The following BRIP1 variants were observed in gnomAD, a reference collection of about 807,000 sequenced individuals.
BRIP1 encodes Fanconi anemia group J protein.
A neutral mutation model predicts 119.7 loss-of-function variants in BRIP1; 88 were observed. The observed-to-expected ratio is 0.74, with a 90% CI of 0.62 to 0.88. BRIP1 has a LOEUF of 0.88. BRIP1 is among the 40% of genes least tolerant of loss of function. The pLI, the probability that BRIP1 is intolerant of heterozygous loss-of-function variation, is 0.00. For missense variants in BRIP1, 1,259 were observed against 1,455.4 expected (o/e 0.87, Z 2.20); for synonymous variants, 443 against 496.5 (o/e 0.89, Z 1.43).
rs1016218205 is a variant in BRIP1 at position 61,691,548 on chromosome 17, C to T, written c.2575+1882G>A. On this transcript the variant is annotated intron_variant, in intron 18 of 19. Transcript: ENST00000259008. The surrounding 1 kb of genome is among the most constrained non-coding windows in gnomAD (Gnocchi z 5.0). ...TTGGCTCACTGCAACCTCCGCCTCC[C>T]AGGTTCAAGCCATTCTCCTGCCTCA... Among the ~76,000 whole-genome samples, 1 of 152,116 alleles carries T rather than the reference C, an allele frequency of 6.6e-6. No homozygotes were observed. The highest frequency in any genetic ancestry group is 1.5e-5 in the Non-Finnish European group (1 of 68,024).
rs1183075975 is a variant in BRIP1 at position 61,856,362 on chromosome 17, T to A, written c.379+696A>T. On this transcript the variant is annotated intron_variant, in intron 4 of 19. Transcript: ENST00000259008. This position sits in a 1 kb window ranked among gnomAD's most constrained non-coding sequence, Gnocchi z 5.1. ...GTGACTGGTAAAGGAATAGCATGAG[T>A]AAAAGCAGAAAAAAGCGTTATTGGA... Among the ~76,000 whole-genome samples, 3 of 152,114 alleles carry A rather than the reference T, an allele frequency of 2.0e-5. No individual in the cohort carries two copies. Among genetic ancestry groups the A allele is most frequent in the Non-Finnish European group, 2.9e-5 (2 of 68,016 alleles).
chr17:61,752,803 A>G lies in BRIP1; in HGVS notation c.2098-8212T>C, dbSNP rs994256425. On this transcript the variant is annotated intron_variant, in intron 14 of 19. Transcript: ENST00000259008. This position sits in a 1 kb window ranked among gnomAD's most constrained non-coding sequence, Gnocchi z 6.2. ...GAAAGAAAAGTGAACAGATTATAAA[A>G]ATACTTAAAATTAAAATGAGTAAGA... Among the ~76,000 whole-genome samples, 1 of 152,224 alleles carries G rather than the reference A, an allele frequency of 6.6e-6. No homozygotes were observed. The highest frequency in any genetic ancestry group is 1.5e-5 in the Non-Finnish European group (1 of 68,044).
rs1060501768 is a variant in BRIP1, at chr17:61,801,281, T to C, written c.1112A>G (p.Tyr371Cys). ...TTCCCTTATTTGTGCATCTAGAAGATAGTTGTAGGGACAAAATATGATGTC... is the reference window on the plus strand; with the variant it reads ...TTCCCTTATTTGTGCATCTAGAAGACAGTTGTAGGGACAAAATATGATGTC... The part of the protein sequence containing the change: ...DADIIFCPYN[Y>C]LLDAQIRESM... Residue 371 changes from tyrosine (Y) to cysteine (C), a missense_variant, in exon 8 of 20, where the codon TAT becomes TGT. Tyr to Cys is a radical substitution (Grantham distance 194, BLOSUM62 -2). This residue lies in a region of BRIP1 where 501 missense variants were observed against 544.0 expected (regional missense o/e 0.92). Transcript: ENST00000259008. 2 of 1,613,914 alleles carry C rather than the reference T, an allele frequency of 1.2e-6. No homozygotes were observed. The highest frequency in any genetic ancestry group is 2.2e-5 in the East Asian group (1 of 44,876).
rs1451258975 is a variant in BRIP1, at chr17:61,768,377, C to T, written c.2097+8024G>A. ...TAGTATATGGAATTAGGCTGTATTG[C>T]TCTACGGGAAATCACAGGAATTTTA... On this transcript the variant is annotated intron_variant, in intron 14 of 19. Coordinates refer to ENST00000259008, the MANE Select transcript of BRIP1 (RefSeq NM_032043.3). This position sits in a 1 kb window ranked among gnomAD's most constrained non-coding sequence, Gnocchi z 5.0. 6.6e-6 allele frequency among the ~76,000 whole-genome samples: 1 copy of T among 152,082 alleles called. No individual in the cohort carries two copies. The highest frequency in any genetic ancestry group is 1.5e-5 in the Non-Finnish European group (1 of 68,006).
chr17:61,733,542 T>G (rs1186798229), intron 16 of BRIP1, among the ~76,000 whole-genome samples: 1 of 152,200 alleles, frequency 6.6e-6, no homozygotes, highest in African/African-American at 2.4e-5. Context: ...TTTTTGTGTG[T>G]GTTTGTTATA....
Position 61,861,706 on chromosome 17 carries a change from T to C in BRIP1, c.-30-137A>G. ...AACAAAACAAATGGAAACAAAATAA[T>C]TTCCTAGTCTTATAAATCACAGCGG... On this transcript the variant is annotated intron_variant, in intron 1 of 19. Coordinates refer to ENST00000259008, the MANE Select transcript of BRIP1 (RefSeq NM_032043.3). This position sits in a 1 kb window ranked among gnomAD's most constrained non-coding sequence, Gnocchi z 4.5. The C allele has an allele frequency of 1.5e-6, 1 of 650,502 alleles. No homozygotes were observed. Among genetic ancestry groups the C allele is most frequent in the Non-Finnish European group, 2.7e-6 (1 of 366,592 alleles). 40.3% of individuals were successfully genotyped at this position (650,502 alleles called of 1,614,324 possible).
Position 61,780,166 on chromosome 17 carries a change from A to C in BRIP1, c.1935+95T>G, listed in dbSNP as rs2077591651. Reference sequence around the variant, plus strand: ...AATGTTGAATTTCCTACCAAGATTTACTTGCTGGCACTTCAGGTATCTTCT... The same window carrying C: ...AATGTTGAATTTCCTACCAAGATTTCCTTGCTGGCACTTCAGGTATCTTCT... On this transcript the variant is annotated intron_variant, in intron 13 of 19. Transcript: ENST00000259008. The surrounding 1 kb of genome is among the most constrained non-coding windows in gnomAD (Gnocchi z 5.4). 1 of 1,311,800 alleles carries C rather than the reference A, an allele frequency of 7.6e-7. No individual in the cohort carries two copies. Among genetic ancestry groups the C allele is most frequent in the Non-Finnish European group, 1.1e-6 (1 of 927,160 alleles). The allele number at this position is 1,311,800 out of a possible 1,614,324, so 81.3% of individuals were successfully genotyped here.
Position 61,779,792 on chromosome 17 carries a change from C to A in BRIP1, c.1935+469G>T, listed in dbSNP as rs548137120. ...ACAACATGCTGAAACCCCATCTCTACCAAAAAAATAAAAAATTAGCCAGGC... is the reference window on the plus strand; with the variant it reads ...ACAACATGCTGAAACCCCATCTCTAACAAAAAAATAAAAAATTAGCCAGGC... On this transcript the variant is annotated intron_variant, in intron 13 of 19. Coordinates refer to ENST00000259008, the MANE Select transcript of BRIP1 (RefSeq NM_032043.3). Among the ~76,000 whole-genome samples, 11 of 151,946 alleles carry A rather than the reference C, an allele frequency of 7.2e-5. No individual in the cohort carries two copies. The South Asian group carries it at 2.3e-3, about 32-fold the overall frequency.
chr17:61,762,614 TG>T lies in BRIP1; in HGVS notation c.2097+13786del, dbSNP rs1257340868. On this transcript the variant is annotated intron_variant, in intron 14 of 19. Coordinates refer to ENST00000259008, the MANE Select transcript of BRIP1 (RefSeq NM_032043.3). The surrounding 1 kb of genome is among the most constrained non-coding windows in gnomAD (Gnocchi z 4.3). Reference sequence around the variant, plus strand: ...AGACAACAAATGACCAACAGATACATGAAAAAATGCTCAAAATCACTAATCA... The same window carrying T: ...AGACAACAAATGACCAACAGATACATAAAAAATGCTCAAAATCACTAATCA... Among the ~76,000 whole-genome samples, 1 of 151,978 alleles carries T rather than the reference TG, an allele frequency of 6.6e-6. No homozygotes were observed. Among genetic ancestry groups the T allele is most frequent in the African/African-American group, 2.4e-5 (1 of 41,394 alleles).
In BRIP1 at chr17:61,851,804, G is replaced by A. The variant is rs1567870883; in HGVS notation, c.380-2548C>T. On this transcript the variant is annotated intron_variant, in intron 4 of 19. Coordinates refer to ENST00000259008, the MANE Select transcript of BRIP1 (RefSeq NM_032043.3). The surrounding 1 kb of genome is among the most constrained non-coding windows in gnomAD (Gnocchi z 4.6). The stretch of plus-strand genomic sequence containing the variant: ...GTAATTTTGAGCTCTGCATGTCCAG[G>A]CAACCAGTAAAATAACCACAAAATA... Among the ~76,000 whole-genome samples the A allele has an allele frequency of 6.6e-6, 1 of 152,024 alleles. No homozygotes were observed. The highest frequency in any genetic ancestry group is 6.6e-5 in the Admixed American group (1 of 15,246).
rs900318283 is a variant in BRIP1, at chr17:61,804,666, G to A, written c.919-3192C>T. Among the ~76,000 whole-genome samples the A allele has an allele frequency of 1.3e-5, 2 of 151,968 alleles. No individual in the cohort carries two copies. Among genetic ancestry groups the A allele is most frequent in the Admixed American group, 6.6e-5 (1 of 15,232 alleles). ...CCCAGAGTGCTGGCATTACAGGCAT[G>A]AGCATCATGCCCGGCCAATGTATTT... On this transcript the variant is annotated intron_variant, in intron 7 of 19. Transcript: ENST00000259008. This position sits in a 1 kb window ranked among gnomAD's most constrained non-coding sequence, Gnocchi z 4.5.
chr17:61,859,240 C>T (rs1603367424), intron 3 of BRIP1, among the ~76,000 whole-genome samples: 1 of 107,350 alleles, frequency 9.3e-6, no homozygotes, highest in East Asian at 9.0e-4. Context: ...AAAGGATTTC[C>T]CCCCCCAAAA....
chr17:61,773,888 A>G (rs1047242724), intron 14 of BRIP1, among the ~76,000 whole-genome samples: 2 of 152,204 alleles, frequency 1.3e-5, no homozygotes, highest in Non-Finnish European at 2.9e-5. Flanking sequence ...ACAATGAGAT[A>G]CCATCTCACA....
rs531755770 is a variant in BRIP1 at position 61,743,670 on chromosome 17, A to T, written c.2258-536T>A. ...TAAACTACTACTATCCCTTCACATC[A>T]AACTTTTTTATTTTATTTTATTATT... On this transcript the variant is annotated intron_variant, in intron 15 of 19. Transcript: ENST00000259008. The surrounding 1 kb of genome is among the most constrained non-coding windows in gnomAD (Gnocchi z 4.3). Among the ~76,000 whole-genome samples the T allele has an allele frequency of 5.3e-4, 81 of 152,116 alleles. No individual in the cohort carries two copies. Among genetic ancestry groups the T allele is most frequent in the African/African-American group, 1.9e-3 (79 of 41,522 alleles).
chr17:61,817,251 T>C lies in BRIP1; in HGVS notation c.628-8494A>G, dbSNP rs534108666. On this transcript the variant is annotated intron_variant, in intron 6 of 19. Transcript: ENST00000259008. Reference sequence around the variant, plus strand: ...ACTGTGGTAAAAAGACATATATGTATTATTTAGTCGGTGAAAATTCATCCA... The same window carrying C: ...ACTGTGGTAAAAAGACATATATGTACTATTTAGTCGGTGAAAATTCATCCA... Among the ~76,000 whole-genome samples, 9 of 152,308 alleles carry C rather than the reference T, an allele frequency of 5.9e-5. No individual in the cohort carries two copies. The South Asian group carries it at 1.9e-3, about 32-fold the overall frequency.
rs876660968 is a variant in BRIP1, at chr17:61,793,582, GA to G, written c.1473+14del. On this transcript the variant is annotated intron_variant, in intron 10 of 19. Coordinates refer to ENST00000259008, the MANE Select transcript of BRIP1 (RefSeq NM_032043.3). The surrounding 1 kb of genome is among the most constrained non-coding windows in gnomAD (Gnocchi z 5.2). The stretch of plus-strand genomic sequence containing the variant: ...ATTCACTAAATACGTTTCACAGGTA[GA>G]AAAAATATCTTACCTGCAAAATGGG... 12 of 1,596,784 alleles carry G rather than the reference GA, an allele frequency of 7.5e-6. No homozygotes were observed. Among genetic ancestry groups the G allele is most frequent in the Middle Eastern group, 2.0e-4 (1 of 4,942 alleles).
At position 61,682,625 on chromosome 17, in the gene BRIP1, TA is replaced by T; in HGVS notation, c.*670del. ...GAAAAAGTCTTGGACTGATTTGAGG[TA>T]AAATCTATAGCGAAATATGACTGAG... On this transcript the variant is annotated 3_prime_UTR_variant, in exon 20 of 20. Transcript: ENST00000259008. This position sits in a 1 kb window ranked among gnomAD's most constrained non-coding sequence, Gnocchi z 4.9. The T allele has an allele frequency of 5.1e-6, 1 of 197,166 alleles. No homozygotes were observed. The highest frequency in any genetic ancestry group is 1.1e-5 in the Non-Finnish European group (1 of 95,112). 12.2% of individuals were successfully genotyped at this position (197,166 alleles called of 1,614,324 possible).
chr17:61,700,231 A>G lies in BRIP1; in HGVS notation c.2493-6719T>C, dbSNP rs1467219104. Among the ~76,000 whole-genome samples, 1 of 152,186 alleles carries G rather than the reference A, an allele frequency of 6.6e-6. No homozygotes were observed. Among genetic ancestry groups the G allele is most frequent in the Non-Finnish European group, 1.5e-5 (1 of 68,030 alleles). On this transcript the variant is annotated intron_variant, in intron 17 of 19. Coordinates refer to ENST00000259008, the MANE Select transcript of BRIP1 (RefSeq NM_032043.3). The surrounding 1 kb of genome is among the most constrained non-coding windows in gnomAD (Gnocchi z 4.1). Reference sequence around the variant, plus strand: ...AAAAATCAAGAGTAAAAGAATTATAAGCAAGAAGTACCTTTATATTAACTT... The same window carrying G: ...AAAAATCAAGAGTAAAAGAATTATAGGCAAGAAGTACCTTTATATTAACTT...
Position 61,746,325 on chromosome 17 carries a change from A to G in BRIP1, c.2098-1734T>C, listed in dbSNP as rs1201064531. On this transcript the variant is annotated intron_variant, in intron 14 of 19. Coordinates refer to ENST00000259008, the MANE Select transcript of BRIP1 (RefSeq NM_032043.3). This position sits in a 1 kb window ranked among gnomAD's most constrained non-coding sequence, Gnocchi z 4.9. ...AAAAGCTGTAGTTAGACAGAAAACA[A>G]TTATTGAAATGATAATAATGTCTTT... is the stretch of plus-strand genomic sequence containing the variant. 1.3e-4 allele frequency among the ~76,000 whole-genome samples: 9 copies of G among 67,668 alleles called. No individual in the cohort carries two copies. Among genetic ancestry groups the G allele is most frequent in the Non-Finnish European group, 2.9e-4 (9 of 31,000 alleles). 44.4% of individuals were successfully genotyped at this position (67,668 alleles called of 152,430 possible). A position where few individuals can be genotyped will look rare whatever the true frequency, so the allele number is the denominator to read the frequency against.
Sources: allele counts gnomAD v4.1 joint callset (sites outside exome capture counted in the v4.1 genomes callset), GRCh38; gene constraint gnomAD v4.1.1; regional missense constraint gnomAD v4.1.1; non-coding constraint Gnocchi (gnomAD v3.1); transcripts MANE v1.5; gene names NCBI Gene and HGNC (gene_info 2026-07-23, HGNC 2026-07-21).